FCHSD2: variants seen among roughly 807,000 people sequenced by gnomAD.
FCHSD2 encodes the protein FCH and double SH3 domains 2, also known as F-BAR and double SH3 domains protein 2.
A neutral mutation model predicts 108.1 loss-of-function variants in FCHSD2; 38 were observed. The ratio of observed to expected loss-of-function variants is 0.35; its 90% confidence interval spans 0.27 to 0.46. The LOEUF is 0.46. FCHSD2 is among the 20% of genes least tolerant of loss of function. The pLI, the probability that FCHSD2 is intolerant of heterozygous loss-of-function variation, is 1.00. For missense variants in FCHSD2, 751 were observed against 897.8 expected (o/e 0.84, Z 2.09); for synonymous variants, 279 against 314.7 (o/e 0.89, Z 1.20).
chr11:72,992,490 C>T (rs1471728916), intron 5 of FCHSD2, among the ~76,000 whole-genome samples: 1 of 152,188 alleles, frequency 6.6e-6, no homozygotes, highest in Non-Finnish European at 1.5e-5. Flanking sequence ...AGGCATCACA[C>T]TACCTGACTT....
chr11:73,015,460 TG>T (rs1309726046), intron 4 of FCHSD2, among the ~76,000 whole-genome samples: 1 of 152,192 alleles, frequency 6.6e-6, no homozygotes, highest in Non-Finnish European at 1.5e-5. Flanking sequence ...TATACAATCT[TG>T]TTTCATCACC....
chr11:72,971,712 C>T (rs902643178), intron 8 of FCHSD2, among the ~76,000 whole-genome samples: 7 of 152,144 alleles, frequency 4.6e-5, no homozygotes, highest in Non-Finnish European at 7.3e-5. Context: ...TCCCCAGAAT[C>T]TCCAGATAAG....
chr11:72,852,693 G>A (rs1159903591), intron 13 of FCHSD2, among the ~76,000 whole-genome samples: 3 of 151,634 alleles, frequency 2.0e-5, no homozygotes, highest in Non-Finnish European at 2.9e-5. Context: ...ACACATGCAC[G>A]TGTATATTCA....
At chr11:72,986,376 A>G (rs1857312267) in intron 6 of FCHSD2, among the ~76,000 whole-genome samples, 1 of 151,658 alleles carries the variant, frequency 6.6e-6, no homozygotes, top group Non-Finnish European at 1.5e-5. Context: ...CGCCCAGCTA[A>G]TTTTTTGTAT....
intron 2 of FCHSD2, among the ~76,000 whole-genome samples, chr11:73,092,133 A>G (rs1427904957): frequency 2.6e-5 from 4 of 152,012 alleles, no homozygotes; most frequent in Non-Finnish European, 5.9e-5. Context: ...ATCCTCCAGC[A>G]TCTTCTTTTT....
At chr11:72,972,200 A>C (rs893222540) in intron 8 of FCHSD2, among the ~76,000 whole-genome samples, 3 of 152,232 alleles carry the variant, frequency 2.0e-5, no homozygotes. Flanking sequence ...CATTAAATTA[A>C]ACTCTGAAAT....
At chr11:73,084,078 C>A (rs1181364899) in intron 2 of FCHSD2, among the ~76,000 whole-genome samples, 1 of 152,166 alleles carries the variant, frequency 6.6e-6, no homozygotes, top group African/African-American at 2.4e-5. Context: ...ACATAAAGCA[C>A]TCAAAATAGT....
At chr11:73,082,357 A>AG (rs1859713540) in intron 3 of FCHSD2, among the ~76,000 whole-genome samples, 1 of 149,672 alleles carries the variant, frequency 6.7e-6, no homozygotes, top group Non-Finnish European at 1.5e-5. Context: ...AAAAAAAAAA[A>AG]AAAAAGAAAA....
At chr11:72,895,947 A>G (rs555104995) in intron 10 of FCHSD2, among the ~76,000 whole-genome samples, 1 of 152,300 alleles carries the variant, frequency 6.6e-6, no homozygotes, top group African/African-American at 2.4e-5. Flanking sequence ...GCCACCCATA[A>G]CAAAGAGAAT....
At chr11:72,965,315 C>T (rs1288232582) in intron 8 of FCHSD2, among the ~76,000 whole-genome samples, 1 of 152,136 alleles carries the variant, frequency 6.6e-6, no homozygotes, top group Non-Finnish European at 1.5e-5. Flanking sequence ...GCCTGTCTTC[C>T]AGGAAAACTA....
intron 9 of FCHSD2, among the ~76,000 whole-genome samples, chr11:72,906,580 T>G (rs964008428): frequency 1.3e-5 from 2 of 152,256 alleles, no homozygotes; most frequent in Non-Finnish European, 2.9e-5. Context: ...AAGTCTTTAA[T>G]CCATCTTGAG....
intron 2 of FCHSD2, among the ~76,000 whole-genome samples, chr11:73,125,886 C>T (rs1246721561): frequency 6.6e-6 from 1 of 152,106 alleles, no homozygotes; most frequent in Non-Finnish European, 1.5e-5. Context: ...ACAGAGCAAA[C>T]CATTCTTCCA....
intron 8 of FCHSD2, among the ~76,000 whole-genome samples, chr11:72,955,435 GT>G (rs918688949): frequency 2.6e-5 from 4 of 152,126 alleles, no homozygotes; most frequent in African/African-American, 9.7e-5. Flanking sequence ...CCTGTCCTGG[GT>G]TTTTCATAGA....
intron 3 of FCHSD2, among the ~76,000 whole-genome samples, chr11:73,070,720 C>G (rs574857509): frequency 6.6e-6 from 1 of 151,778 alleles, no homozygotes; most frequent in African/African-American, 2.4e-5. Flanking sequence ...GCCACCATAC[C>G]CGGCCTAAAT....
intron 5 of FCHSD2, among the ~76,000 whole-genome samples, chr11:72,993,667 C>T (rs1857462830): frequency 6.6e-6 from 1 of 151,112 alleles, no homozygotes; most frequent in African/African-American, 2.4e-5. Flanking sequence ...GACAAAAAAC[C>T]AAACACCGCA....
chr11:72,937,696 C>A (rs1045169329), intron 8 of FCHSD2, among the ~76,000 whole-genome samples: 1 of 152,150 alleles, frequency 6.6e-6, no homozygotes, highest in East Asian at 1.9e-4. Flanking sequence ...AGCATTAACT[C>A]TGTGTTTGTA....
intron 12 of FCHSD2, among the ~76,000 whole-genome samples, chr11:72,886,067 T>G (rs1855191336): frequency 6.6e-6 from 1 of 152,190 alleles, no homozygotes; most frequent in African/African-American, 2.4e-5. Context: ...GTGAAGCACT[T>G]CCTCAAAACC....
At chr11:73,050,246 T>C (rs1236647098) in intron 3 of FCHSD2, among the ~76,000 whole-genome samples, 1 of 152,212 alleles carries the variant, frequency 6.6e-6, no homozygotes, top group African/African-American at 2.4e-5. Context: ...AGCCCTAGTT[T>C]GCCAGCCTCT....
At chr11:72,941,033 T>C (rs1856406890) in intron 8 of FCHSD2, 1 of 714,714 alleles carries the variant, frequency 1.4e-6, no homozygotes, top group Non-Finnish European at 2.6e-6. Flanking sequence ...AAGGACCGTA[T>C]GTTCCACCAT....
Sources: gnomAD v4.1 joint callset for allele counts (sites outside exome capture counted in the v4.1 genomes callset) on GRCh38, gnomAD v4.1.1 for gene constraint, MANE v1.5 for transcripts, NCBI Gene and HGNC (gene_info 2026-07-23, HGNC 2026-07-21) for gene names.